Variants in CHRM3 observed in about 807,000 individuals in gnomAD.
The protein encoded by CHRM3 is cholinergic receptor muscarinic 3.
A neutral mutation model predicts 41.8 loss-of-function variants in CHRM3; 11 were observed. The ratio of observed to expected loss-of-function variants is 0.26; its 90% CI spans 0.17 to 0.44. The LOEUF is 0.44. Among genes scored for constraint, CHRM3 ranks in the 20% least tolerant of loss-of-function variants. CHRM3 has a pLI of 1.00. For missense variants in CHRM3, 571 were observed against 745.4 expected, an observed-to-expected ratio of 0.77 and a Z score of 2.72; for synonymous variants, 297 against 301.4, an observed-to-expected ratio of 0.99 and a Z score of 0.15.
At chr1:239,402,715 C>T (rs561100561) in intron 1 of CHRM3, among the ~76,000 whole-genome samples, 3 of 152,158 alleles carry the variant, frequency 2.0e-5, no homozygotes, top group Admixed American at 2.0e-4. Context: ...CAGTATCCAA[C>T]GGGTATTGGC....
chr1:239,429,535 CG>C (rs991590184), intron 1 of CHRM3, among the ~76,000 whole-genome samples: 3 of 151,958 alleles, frequency 2.0e-5, no homozygotes, highest in Non-Finnish European at 2.9e-5. Context: ...GCTATAAAAC[CG>C]GGATGTAATT....
chr1:239,514,519 A>T (rs1225635956), intron 2 of CHRM3, among the ~76,000 whole-genome samples: 2 of 152,030 alleles, frequency 1.3e-5, no homozygotes, highest in African/African-American at 4.8e-5. Flanking sequence ...TTTTGTGTTG[A>T]TTCTACTGGA....
intron 2 of CHRM3, among the ~76,000 whole-genome samples, chr1:239,498,472 T>TCCTA (rs1292271033): frequency 1.3e-5 from 2 of 152,166 alleles, no homozygotes; most frequent in Non-Finnish European, 2.9e-5. Flanking sequence ...GGATAATGAA[T>TCCTA]CCTACATCTT....
intron 1 of CHRM3, among the ~76,000 whole-genome samples, chr1:239,471,158 AT>A (rs1370582187): frequency 1.3e-5 from 2 of 152,232 alleles, no homozygotes; most frequent in Non-Finnish European, 2.9e-5. Context: ...GAGATAATGA[AT>A]CACTAATTTT....
intron 1 of CHRM3, among the ~76,000 whole-genome samples, chr1:239,467,932 T>A (rs571144971): frequency 6.6e-6 from 1 of 152,064 alleles, no homozygotes; most frequent in South Asian, 2.1e-4. Flanking sequence ...GAGGAAAAGA[T>A]GACAAAATGT....
intron 3 of CHRM3, among the ~76,000 whole-genome samples, chr1:239,590,568 A>T (rs1196850456): frequency 2.0e-5 from 3 of 152,168 alleles, no homozygotes; most frequent in African/African-American, 7.2e-5. Flanking sequence ...AATTAAAAAA[A>T]TTAGAGATTA....
intron 6 of CHRM3, among the ~76,000 whole-genome samples, chr1:239,849,702 G>C (rs573782922): frequency 1.3e-5 from 2 of 152,106 alleles, no homozygotes; most frequent in Non-Finnish European, 2.9e-5. Flanking sequence ...GCTGTGTGAC[G>C]TTAGGCAAAT....
chr1:239,743,759 C>CTTTTT lies in CHRM3; in HGVS notation c.-147+65472_-147+65476dup, dbSNP rs200541361. ...AGTTTCTCCTTGCCTCAGTGATCTT[C>CTTTTT]TTTTTCTTTTTCTTTTTCTTTTTTT... On this transcript the variant is annotated intron_variant, in intron 5 of 6. Transcript: ENST00000676153. Among the ~76,000 whole-genome samples the CTTTTT allele has an allele frequency of 2.4e-5, 3 of 123,926 alleles. No homozygotes were observed. In the East Asian group the frequency reaches 7.1e-4, roughly 29 times the overall value. 81.3% of individuals were successfully genotyped at this position (123,926 alleles called of 152,430 possible).
chr1:239,431,454 C>G (rs1214897200), intron 1 of CHRM3, among the ~76,000 whole-genome samples: 1 of 152,140 alleles, frequency 6.6e-6, no homozygotes, highest in Non-Finnish European at 1.5e-5. Context: ...ACACAATTGC[C>G]TTTTTCCTAA....
chr1:239,520,521 C>T (rs1245629425), intron 2 of CHRM3, among the ~76,000 whole-genome samples: 1 of 152,152 alleles, frequency 6.6e-6, no homozygotes, highest in Non-Finnish European at 1.5e-5. Context: ...CACCCTCCAC[C>T]ATGACTGAGT....
At chr1:239,785,769 G>T (rs916075748) in intron 5 of CHRM3, among the ~76,000 whole-genome samples, 20 of 152,130 alleles carry the variant, frequency 1.3e-4, no homozygotes, top group Non-Finnish European at 2.6e-4. Context: ...GAGCTAAACT[G>T]ACTGATGGAA....
At chr1:239,720,271 G>A (rs1662829910) in intron 5 of CHRM3, 3 of 152,052 alleles carry the variant, frequency 2.0e-5, no homozygotes, top group Non-Finnish European at 4.4e-5. Flanking sequence ...TAGAATATAA[G>A]TATATGTTTT....
chr1:239,813,910 C>A (rs1671345203), intron 5 of CHRM3, among the ~76,000 whole-genome samples: 1 of 32,496 alleles, frequency 3.1e-5, no homozygotes. Context: ...GAGCGAGACT[C>A]CGTCTCAAAA....
At position 239,908,546 on chromosome 1, in the gene CHRM3, C is replaced by G. The variant is rs1188804130; in HGVS notation, c.1095C>G (p.Tyr365Ter). The G allele has an allele frequency of 6.3e-7, 1 of 1,586,906 alleles. No individual in the cohort carries two copies. Among genetic ancestry groups the G allele is most frequent in the Non-Finnish European group, 8.6e-7 (1 of 1,166,784 alleles). Residue 365 changes from tyrosine (Y) to a stop codon, truncating the protein, a stop_gained, in exon 7 of 7, where the codon TAC (tyrosine) becomes TAG (stop). Transcript: ENST00000676153. LOFTEE classifies it high-confidence loss of function. This position sits in a 1 kb window ranked among gnomAD's most constrained non-coding sequence, Gnocchi z 7.2. ...EDIGSETRAI[Y>*]SIVLKLPGHS... Reference sequence around the variant, plus strand: ...TTGGCTCCGAGACGAGAGCCATCTACTCCATCGTGCTCAAGCTTCCGGGTC... The same window carrying G: ...TTGGCTCCGAGACGAGAGCCATCTAGTCCATCGTGCTCAAGCTTCCGGGTC...
At chr1:239,562,879 C>A in intron 3 of CHRM3, among the ~76,000 whole-genome samples, 1 of 137,704 alleles carries the variant, frequency 7.3e-6, no homozygotes. Context: ...AAGAGTGAAA[C>A]TCTGTCTCCA....
At chr1:239,746,165 T>C (rs1471020854) in intron 5 of CHRM3, among the ~76,000 whole-genome samples, 2 of 152,232 alleles carry the variant, frequency 1.3e-5, no homozygotes, top group Non-Finnish European at 2.9e-5. Flanking sequence ...CAATGGAGCA[T>C]TCTGCCCAAA....
At chr1:239,837,708 G>A (rs1202441564) in intron 6 of CHRM3, among the ~76,000 whole-genome samples, 5 of 152,276 alleles carry the variant, frequency 3.3e-5, no homozygotes, top group African/African-American at 4.8e-5. Context: ...TTCTCCTTCA[G>A]AATTTTATAT....
At position 239,828,341 on chromosome 1, in the gene CHRM3, CAT is replaced by C. The variant is rs200325893; in HGVS notation, c.-20+972_-20+973del. ...GTATACATACATACAGATATATACA[CAT>C]ATATATATGCACCTATATAGGTACA... On this transcript the variant is annotated intron_variant, in intron 6 of 6. Transcript: ENST00000676153. 3.1e-3 allele frequency among the ~76,000 whole-genome samples: 475 copies of C among 151,998 alleles called. 16 individuals are homozygous for C. In the East Asian group the frequency reaches 0.045, roughly 15 times the overall value.
At chr1:239,541,645 G>T (rs1305928234) in intron 2 of CHRM3, among the ~76,000 whole-genome samples, 2 of 152,024 alleles carry the variant, frequency 1.3e-5, no homozygotes, top group East Asian at 3.9e-4. Context: ...CCAAGTAGCT[G>T]GGACTACAGG....
Sources: allele counts gnomAD v4.1 joint callset (sites outside exome capture counted in the v4.1 genomes callset), GRCh38; gene constraint gnomAD v4.1.1; non-coding constraint Gnocchi (gnomAD v3.1); transcripts MANE v1.5; gene names NCBI Gene and HGNC (gene_info 2026-07-23, HGNC 2026-07-21).